ANKRD30A: variants seen among roughly 807,000 people sequenced by gnomAD.
ANKRD30A encodes the protein ankyrin repeat domain-containing protein 30A.
Under a neutral mutation model 166.3 loss-of-function variants are expected in ANKRD30A, and 170 were observed. The ratio of observed to expected loss-of-function variants is 1.02; its 90% confidence interval spans 0.90 to 1.16. The LOEUF (loss-of-function observed/expected upper bound fraction) is 1.16, where lower values mean the gene tolerates loss of function less well. ANKRD30A is among the 50% of genes most tolerant of loss of function. The pLI, the probability that ANKRD30A is intolerant of heterozygous loss-of-function variation, is 0.00. For missense variants in ANKRD30A, 1,630 were observed against 1,518.0 expected (o/e 1.07, Z -1.23); for synonymous variants, 564 against 508.9 (o/e 1.11, Z -1.46).
At chr10:37,131,653 T>C (rs1261920202) in intron 3 of ANKRD30A, among the ~76,000 whole-genome samples, 1 of 152,206 alleles carries the variant, frequency 6.6e-6, no homozygotes, top group African/African-American at 2.4e-5. Flanking sequence ...CTTGGGAAGC[T>C]TTCAGAGTTG....
chr10:37,130,154 T>G, intron 2 of ANKRD30A, 51 bp from the exon 3 acceptor site: 1 of 1,182,604 alleles, frequency 8.5e-7, no homozygotes. Flanking sequence ...TTATAATAAT[T>G]TATATTATAA....
the ANKRD30A span, among the ~76,000 whole-genome samples, chr10:37,261,240 A>G: frequency 1.3e-5 from 2 of 152,162 alleles, no homozygotes; most frequent in Non-Finnish European, 2.9e-5. Flanking sequence ...ACATCCTTGA[A>G]AAAACAAGAC....
the ANKRD30A span, among the ~76,000 whole-genome samples, chr10:37,244,270 C>T: frequency 3.3e-5 from 5 of 152,142 alleles, no homozygotes; most frequent in African/African-American, 7.2e-5. Flanking sequence ...TTGTAAGCAA[C>T]GTCATGTACA....
the ANKRD30A span, among the ~76,000 whole-genome samples, chr10:37,265,723 T>C: frequency 1.3e-5 from 2 of 152,244 alleles, no homozygotes; most frequent in Non-Finnish European, 2.9e-5. Context: ...AGGATGTTCA[T>C]GCTGGGGCAC....
the ANKRD30A span, chr10:37,248,146 T>G: frequency 1.6e-6 from 1 of 625,354 alleles, no homozygotes; most frequent in Admixed American, 1.8e-5. Flanking sequence ...CCTTTCACTC[T>G]GGGAGTCTTC....
chr10:37,192,498 G>T (rs987090681), intron 25 of ANKRD30A, among the ~76,000 whole-genome samples: 2 of 152,036 alleles, frequency 1.3e-5, no homozygotes, highest in Non-Finnish European at 2.9e-5. Flanking sequence ...TATTCTATAA[G>T]TAGAAATGCT....
intron 25 of ANKRD30A, among the ~76,000 whole-genome samples, chr10:37,192,096 G>A (rs1564541132): frequency 1.3e-5 from 2 of 151,980 alleles, no homozygotes; most frequent in South Asian, 4.2e-4. Flanking sequence ...GAGTGCAATG[G>A]CATGATCTTG....
chr10:37,159,822 G>T (rs1323504213), intron 15 of ANKRD30A, among the ~76,000 whole-genome samples: 2 of 152,062 alleles, frequency 1.3e-5, no homozygotes, highest in Non-Finnish European at 2.9e-5. Context: ...AGCCTCCCGA[G>T]TAGCTGGGAC....
chr10:37,144,640 G>A (rs1489785956), intron 7 of ANKRD30A, among the ~76,000 whole-genome samples: 1 of 151,990 alleles, frequency 6.6e-6, no homozygotes, highest in Admixed American at 6.6e-5. Flanking sequence ...AAAAATAAAA[G>A]AAAGTAATGA....
In ANKRD30A at chr10:37,134,058, G is replaced by A. The variant is rs1836532092; in HGVS notation, c.755+5G>A. The stretch of plus-strand genomic sequence containing the variant: ...TGTTACTTGTGGATTTCATCAGTAA[G>A]TGTTTACGTTTAGAGGCTAGGTGAG... On this transcript the variant is annotated splice_donor_5th_base_variant and intron_variant, in intron 5 of 35. Transcript: ENST00000361713. The A allele has an allele frequency of 1.9e-6, 3 of 1,613,628 alleles. No homozygotes were observed. The highest frequency in any genetic ancestry group is 1.7e-6 in the Non-Finnish European group (2 of 1,179,740).
intron 31 of ANKRD30A, among the ~76,000 whole-genome samples, chr10:37,211,731 C>A (rs968832212): frequency 1.1e-4 from 16 of 152,118 alleles, no homozygotes; most frequent in Admixed American, 3.3e-4. Flanking sequence ...AATGGTTGAA[C>A]TAATTTACAG....
intron 31 of ANKRD30A, among the ~76,000 whole-genome samples, chr10:37,212,389 A>G (rs1015929551): frequency 2.6e-5 from 4 of 152,074 alleles, no homozygotes; most frequent in Non-Finnish European, 4.4e-5. Flanking sequence ...CAAATGGAAG[A>G]ACATTCCACG....
chr10:37,179,015 TATATATATATATATATATATATA>T (rs1839962921), intron 24 of ANKRD30A, among the ~76,000 whole-genome samples: 1 of 1,724 alleles, frequency 5.8e-4, no homozygotes, highest in Non-Finnish European at 1.3e-3. Context: ...AGGCGTCAAA[TATATATATATATATATATATATA>T]TATATATATA....
intron 34 of ANKRD30A, among the ~76,000 whole-genome samples, chr10:37,222,241 C>G (rs994393542): frequency 6.6e-6 from 1 of 151,172 alleles, no homozygotes; most frequent in Non-Finnish European, 1.5e-5. Context: ...ATCTCTTAGT[C>G]ATCACCACCG....
the ANKRD30A span, among the ~76,000 whole-genome samples, chr10:37,258,355 G>A: frequency 4.0e-4 from 61 of 152,110 alleles, no homozygotes; most frequent in Admixed American, 3.9e-3. Context: ...AAGAAGAACA[G>A]AGCTCAAGAA....
chr10:37,165,171 G>C lies in ANKRD30A; in HGVS notation c.2064+16G>C. ...GGATACTGAGGTACTGTGTGTTGTT[G>C]ATTTTTTTAAATATTAGTATTGCAT... On this transcript the variant is annotated intron_variant, in intron 18 of 35. Transcript: ENST00000361713. The C allele has an allele frequency of 6.3e-7, 1 of 1,594,636 alleles. No individual in the cohort carries two copies. The highest frequency in any genetic ancestry group is 8.6e-7 in the Non-Finnish European group (1 of 1,163,610).
At chr10:37,214,674 T>C (rs866693015) in intron 31 of ANKRD30A, among the ~76,000 whole-genome samples, 1 of 151,168 alleles carries the variant, frequency 6.6e-6, no homozygotes, top group African/African-American at 2.4e-5. Flanking sequence ...TTTGCTGTCT[T>C]AGTGGTTTTT....
At chr10:37,161,681 C>T (rs1333222604) in intron 15 of ANKRD30A, among the ~76,000 whole-genome samples, 1 of 152,114 alleles carries the variant, frequency 6.6e-6, no homozygotes, top group Non-Finnish European at 1.5e-5. Flanking sequence ...ACCACAGTGA[C>T]TCATTAGGTT....
intron 21 of ANKRD30A, among the ~76,000 whole-genome samples, chr10:37,171,390 C>T (rs1839550672): frequency 6.7e-6 from 1 of 148,154 alleles, no homozygotes; most frequent in Non-Finnish European, 1.5e-5. Context: ...TTAAAATACA[C>T]GAATTGGAAA....
Sources: allele counts gnomAD v4.1 joint callset (sites outside exome capture counted in the v4.1 genomes callset), GRCh38; gene constraint gnomAD v4.1.1; transcripts MANE v1.5; gene names NCBI Gene and HGNC (gene_info 2026-07-23, HGNC 2026-07-21).